The following SP110 variants were observed in gnomAD, a reference collection of about 807,000 sequenced individuals.
SP110 encodes interferon-induced protein 41, 30kD.
In SP110, 62 loss-of-function variants were observed where a neutral mutation model predicts 92.7. That is an observed-to-expected ratio of 0.67 (90% CI 0.55 to 0.83). SP110 has a LOEUF of 0.83. Among genes scored for constraint, SP110 ranks in the 40% least tolerant of loss-of-function variants. The pLI is 0.00. For synonymous variants in SP110, 273 were observed against 305.3 expected (o/e 0.89, Z 1.10); for missense variants, 793 against 863.9 (o/e 0.92, Z 1.03).
intron 3 of SP110, among the ~76,000 whole-genome samples, 200 bp downstream of exon 3, chr2:230,214,750 C>G (rs2044912388): frequency 6.6e-6 from 1 of 152,124 alleles, no homozygotes; most frequent in South Asian, 2.1e-4. Flanking sequence ...TTTATGTCCT[C>G]TAGAAGTTCA....
At chr2:230,202,843 T>TG in intron 8 of SP110, 115 bp from the exon 9 acceptor site, 1 of 909,718 alleles carries the variant, frequency 1.1e-6, no homozygotes, top group African/African-American at 1.6e-5. Context: ...TTCAGATCTC[T>TG]GTACCCCTGT....
intron 4 of SP110, 111 bp downstream of exon 4, chr2:230,212,650 T>C: frequency 7.1e-7 from 1 of 1,416,696 alleles, no homozygotes; most frequent in Non-Finnish European, 1.0e-6. Flanking sequence ...GGTAGATGGG[T>C]GCAAGAGAAG....
At chr2:230,220,952 C>T (rs532936745), upstream of SP110, among the ~76,000 whole-genome samples, 1 of 151,998 alleles carries the variant, frequency 6.6e-6, no homozygotes, top group Non-Finnish European at 1.5e-5. Flanking sequence ...TTCAAGGCTG[C>T]GGTGAGCTAT....
At chr2:230,201,849 A>T (rs2043212346) in intron 9 of SP110, among the ~76,000 whole-genome samples, 1 of 152,228 alleles carries the variant, frequency 6.6e-6, no homozygotes, top group African/African-American at 2.4e-5. Flanking sequence ...TTACATTACA[A>T]CTAATATTTA....
At chr2:230,221,595 A>G (rs2045825045), upstream of SP110, 1 of 1,046,870 alleles carries the variant, frequency 9.6e-7, no homozygotes, top group Admixed American at 2.0e-5. Flanking sequence ...ACAGCTGAGG[A>G]GAGGGTGCAT....
intron 5 of SP110, among the ~76,000 whole-genome samples, chr2:230,212,074 C>T (rs1355029752): frequency 1.3e-5 from 2 of 152,136 alleles, no homozygotes; most frequent in Non-Finnish European, 2.9e-5. Context: ...AATGTTGAAA[C>T]TCTAAGGCCC....
chr2:230,208,280 C>A (rs1375915310), intron 7 of SP110, among the ~76,000 whole-genome samples: 1 of 152,088 alleles, frequency 6.6e-6, no homozygotes, highest in Non-Finnish European at 1.5e-5. Context: ...TTAGGTAGCT[C>A]ATTTCTAGAA....
intron 17 of SP110, 51 bp downstream of exon 17, chr2:230,171,645 C>T (rs2106346274): frequency 7.0e-7 from 1 of 1,419,192 alleles, no homozygotes; most frequent in Non-Finnish European, 1.0e-6. Flanking sequence ...GATCAGCCCC[C>T]AAATTTCTCC....
chr2:230,206,814 G>A (rs1302073797), intron 8 of SP110, among the ~76,000 whole-genome samples: 2 of 151,668 alleles, frequency 1.3e-5, no homozygotes, highest in African/African-American at 4.8e-5. Flanking sequence ...CCCACACCAT[G>A]AGAATTAGAG....
Position 230,175,201 on chromosome 2 carries a change from C to T in SP110, c.1591-2242G>A, listed in dbSNP as rs116268424. On this transcript the variant is annotated intron_variant, in intron 14 of 18. Coordinates refer to ENST00000258381, the MANE Select transcript of SP110 (RefSeq NM_080424.4). ...TTTTTCACTCATAGACCTACCTACA[C>T]GTTCACATAAGCAACAATGGGTTCC... 2.0e-3 allele frequency among the ~76,000 whole-genome samples: 304 copies of T among 152,252 alleles called. 1 individual carries two copies. Among genetic ancestry groups the T allele is most frequent in the African/African-American group, 7.1e-3 (293 of 41,534 alleles).
At position 230,183,544 on chromosome 2, in the gene SP110, G is replaced by C. The variant is rs367742904; in HGVS notation, c.1348+28C>G. The stretch of plus-strand genomic sequence containing the variant: ...AGGCCAGGGCTCTGGGGAGCCCAGT[G>C]GGGAGGCGCTGTGGCTTGCTTGCTT... On this transcript the variant is annotated intron_variant, in intron 12 of 18. Transcript: ENST00000258381. 4.6e-6 allele frequency: 7 copies of C among 1,525,560 alleles called. No individual in the cohort carries two copies. The African/African-American group carries it at 6.8e-5, about 15-fold the overall frequency. 94.5% of individuals were successfully genotyped at this position (1,525,560 alleles called of 1,614,324 possible).
chr2:230,195,995 C>T (rs1421281687), intron 10 of SP110, among the ~76,000 whole-genome samples: 1 of 152,112 alleles, frequency 6.6e-6, no homozygotes, highest in East Asian at 1.9e-4. Context: ...TAGAAATCAT[C>T]TCTATATTAC....
At chr2:230,221,947 G>A (rs938751402), upstream of SP110, among the ~76,000 whole-genome samples, 6 of 152,224 alleles carry the variant, frequency 3.9e-5, no homozygotes, top group Non-Finnish European at 8.8e-5. Flanking sequence ...ATGCTTGGCT[G>A]GGCACAGTGG....
intron 10 of SP110, among the ~76,000 whole-genome samples, chr2:230,189,488 G>A (rs920209884): frequency 6.6e-6 from 1 of 152,008 alleles, no homozygotes; most frequent in East Asian, 1.9e-4. Context: ...TATTTGTTAT[G>A]GTTTTGAAAG....
intron 2 of SP110, among the ~76,000 whole-genome samples, chr2:230,215,983 A>C (rs1156694866): frequency 6.6e-6 from 1 of 152,298 alleles, no homozygotes; most frequent in East Asian, 1.9e-4. Flanking sequence ...GACTAAGACT[A>C]AGGGAAGATT....
chr2:230,187,919 GT>G (rs2042430761), intron 10 of SP110, among the ~76,000 whole-genome samples: 1 of 152,074 alleles, frequency 6.6e-6, no homozygotes, highest in Admixed American at 6.5e-5. Flanking sequence ...TTTAAGTCTG[GT>G]AATGTGATGC....
chr2:230,199,749 T>A (rs80289620), intron 10 of SP110, among the ~76,000 whole-genome samples: 2 of 152,138 alleles, frequency 1.3e-5, no homozygotes, highest in Admixed American at 1.3e-4. Flanking sequence ...AGAGAGTTTA[T>A]TTCCATTATC....
rs1428646799 is a variant in SP110 at position 230,171,778 on chromosome 2, T to TGAA, written c.1816-14_1816-12dup. 1.2e-5 allele frequency: 19 copies of TGAA among 1,601,026 alleles called. No individual in the cohort carries two copies. The South Asian group carries it at 2.1e-4, about 18-fold the overall frequency. On this transcript the variant is annotated splice_polypyrimidine_tract_variant and intron_variant, in intron 16 of 18. Transcript: ENST00000258381. ...GAGGAACTCACATTTCTGTAAAATGTGAAGAGGGCTTGAAAGTGAAATGCA... is the reference window on the plus strand; with the variant it reads ...GAGGAACTCACATTTCTGTAAAATGTGAAGAAGAGGGCTTGAAAGTGAAATGCA...
chr2:230,179,140 C>T (rs117975404), intron 12 of SP110, among the ~76,000 whole-genome samples: 84 of 152,228 alleles, frequency 5.5e-4, no homozygotes, highest in African/African-American at 1.8e-3. Flanking sequence ...AGAGCATTGA[C>T]GGAAAGGTGA....
Sources: allele counts gnomAD v4.1 joint callset (sites outside exome capture counted in the v4.1 genomes callset), GRCh38; gene constraint gnomAD v4.1.1; transcripts MANE v1.5; gene names NCBI Gene and HGNC (gene_info 2026-07-23, HGNC 2026-07-21).